The following ESYT1 variants were observed in gnomAD, a reference collection of about 807,000 sequenced individuals.
The protein encoded by ESYT1 is extended synaptotagmin-1.
In ESYT1, 116 loss-of-function variants were observed where a neutral mutation model predicts 154.2. The observed-to-expected ratio is 0.75, with a 90% CI of 0.65 to 0.88. The LOEUF (loss-of-function observed/expected upper bound fraction) is 0.88, where lower values mean the gene tolerates loss of function less well. Ranked by LOEUF, ESYT1 falls within the 40% of genes least tolerant of loss-of-function variation. ESYT1 has a pLI of 0.00. For missense variants in ESYT1, 1,264 were observed against 1,379.3 expected (o/e 0.92, Z 1.32); for synonymous variants, 500 against 539.9 (o/e 0.93, Z 1.02).
Position 56,143,972 on chromosome 12 carries a change from C to T in ESYT1, c.*110C>T, listed in dbSNP as rs1033572462. On this transcript the variant is annotated 3_prime_UTR_variant, in exon 31 of 31. Coordinates refer to ENST00000394048, the MANE Select transcript of ESYT1 (RefSeq NM_015292.3). ...AGGGTCCAAGGGCAGAGCCTGTGCC[C>T]TTCAGCCCTTTCACCTAACAGGCCC... 1 of 1,588,138 alleles carries T rather than the reference C, an allele frequency of 6.3e-7. No individual in the cohort carries two copies. Among genetic ancestry groups the T allele is most frequent in the East Asian group, 2.2e-5 (1 of 44,568 alleles).
chr12:56,128,580 C>G lies in ESYT1; in HGVS notation c.261C>G (p.Leu87=), dbSNP rs778458384. ...GTTTCGTGCTCTTCGGCCTCGCCCT[C>G]TACCTGGGCTGGCGCCGGGTCCGCG... ...SVGFVLFGLA[L]YLGWRRVRDE... The change falls in exon 1 of 31, where the codon CTC becomes CTG. Residue 87 remains leucine, a synonymous_variant. Transcript: ENST00000394048. The G allele has an allele frequency of 1.2e-6, 2 of 1,614,064 alleles. No individual in the cohort carries two copies. The highest frequency in any genetic ancestry group is 4.5e-5 in the East Asian group (2 of 44,880).
At position 56,130,889 on chromosome 12, in the gene ESYT1, A is replaced by G. The variant is rs768540425; in HGVS notation, c.531A>G (p.Gln177=). 6.8e-6 allele frequency: 11 copies of G among 1,614,248 alleles called. No individual in the cohort carries two copies. Among genetic ancestry groups the G allele is most frequent in the Non-Finnish European group, 9.3e-6 (11 of 1,180,048 alleles). ...TTAGGGGATCTAACCCCCATCTGCA[A>G]ACATTTACATTTACACGAGTGGAAC... ...PAVRGSNPHL[Q]TFTFTRVELG... The change falls in exon 3 of 31, where the codon CAA becomes CAG. Residue 177 remains glutamine, a synonymous_variant. Transcript: ENST00000394048.
intron 1 of ESYT1, among the ~76,000 whole-genome samples, chr12:56,129,058 T>A (rs1870121962): frequency 6.6e-6 from 1 of 152,204 alleles, no homozygotes; most frequent in Non-Finnish European, 1.5e-5. Context: ...TTGGTGCCAC[T>A]CGCGGCTTTG....
In ESYT1 at chr12:56,131,496, T is replaced by A; in HGVS notation, c.734T>A (p.Val245Glu). The A allele has an allele frequency of 6.2e-7, 1 of 1,614,090 alleles. No individual in the cohort carries two copies. The highest frequency in any genetic ancestry group is 2.2e-5 in the East Asian group (1 of 44,876). The change falls in exon 6 of 31, where the codon GTG (valine) becomes GAG (glutamate). Residue 245 changes from valine (V) to glutamate (E), a missense_variant. By Grantham distance (121) the Val-to-Glu change is moderately radical. Coordinates refer to ENST00000394048, the MANE Select transcript of ESYT1 (RefSeq NM_015292.3). ...CCTCAGCTACATGGCGTTTTGCGGGTGATACTGGAGCCACTCATTGGGGAC... is the reference window on the plus strand; with the variant it reads ...CCTCAGCTACATGGCGTTTTGCGGGAGATACTGGAGCCACTCATTGGGGAC... Reference protein sequence around the residue: ...KGMQLHGVLRVILEPLIGDLP... With the variant: ...KGMQLHGVLREILEPLIGDLP...
intron 21 of ESYT1, 51 bp downstream of exon 21, chr12:56,138,323 G>A: frequency 6.2e-7 from 1 of 1,612,716 alleles, no homozygotes; most frequent in East Asian, 2.2e-5. Flanking sequence ...GGCAGGATGA[G>A]CTCTTCTCTT....
chr12:56,131,010 G>A, intron 3 of ESYT1, 30 bp from the exon 4 acceptor site: 4 of 1,614,132 alleles, frequency 2.5e-6, no homozygotes, highest in Non-Finnish European at 2.5e-6. Context: ...CCCTATCCCT[G>A]CCCTCTCTCA....
chr12:56,131,925 C>A, intron 7 of ESYT1, 121 bp downstream of exon 7: 1 of 1,117,472 alleles, frequency 8.9e-7, no homozygotes, highest in Non-Finnish European at 1.3e-6. Context: ...ATTTGGGGAG[C>A]AAAGACAAAT....
Position 56,136,830 on chromosome 12 carries a change from C to T in ESYT1, c.1719C>T (p.Asp573=). 1 of 1,610,598 alleles carries T rather than the reference C, an allele frequency of 6.2e-7. No homozygotes were observed. The highest frequency in any genetic ancestry group is 8.5e-7 in the Non-Finnish European group (1 of 1,178,082). Residue 573 remains aspartate, a synonymous_variant, in exon 16 of 31, where the codon GAC becomes GAT. Coordinates refer to ENST00000394048, the MANE Select transcript of ESYT1 (RefSeq NM_015292.3). ...RLLTAPELIL[D]QWFQLSSSGP... Reference sequence around the variant, plus strand: ...TGACTGCCCCAGAACTCATCCTGGACCAGTGGTTCCAGCTCAGCAGCTCTG... The same window carrying T: ...TGACTGCCCCAGAACTCATCCTGGATCAGTGGTTCCAGCTCAGCAGCTCTG...
chr12:56,140,672 T>G (rs1345262193), intron 24 of ESYT1, among the ~76,000 whole-genome samples: 1 of 152,092 alleles, frequency 6.6e-6, no homozygotes, highest in Non-Finnish European at 1.5e-5. Context: ...CAGGGAAGCC[T>G]TTAATGAGAG....
chr12:56,144,050 C>G lies in ESYT1; in HGVS notation c.*188C>G. 6.9e-7 allele frequency: 1 copy of G among 1,449,448 alleles called. No individual in the cohort carries two copies. The highest frequency in any genetic ancestry group is 1.4e-5 in the African/African-American group (1 of 70,250). The allele number at this position is 1,449,448 out of a possible 1,614,324, so 89.8% of individuals were successfully genotyped here. On this transcript the variant is annotated 3_prime_UTR_variant, in exon 31 of 31. Transcript: ENST00000394048. ...GAAGAACCGTATGTTCCCTTTACTG[C>G]ACGGCCTTTATCCTTCTGGGCCCCT...
Position 56,142,228 on chromosome 12 carries a change from G to C in ESYT1, c.2593-57G>C, listed in dbSNP as rs1870728302. ...AAGCGTTTGGACCTTTAAAACACCAGGATTAACTCATTTGTTGATGCATTC... is the reference window on the plus strand; with the variant it reads ...AAGCGTTTGGACCTTTAAAACACCACGATTAACTCATTTGTTGATGCATTC... On this transcript the variant is annotated intron_variant, in intron 24 of 30. Transcript: ENST00000394048. The surrounding 1 kb of genome is among the most constrained non-coding windows in gnomAD (Gnocchi z 4.1). 6.3e-7 allele frequency: 1 copy of C among 1,597,850 alleles called. No homozygotes were observed. Among genetic ancestry groups the C allele is most frequent in the Non-Finnish European group, 8.5e-7 (1 of 1,169,842 alleles).
At chr12:56,137,997 G>A in intron 19 of ESYT1, 29 bp from the exon 20 acceptor site, 1 of 1,614,056 alleles carries the variant, frequency 6.2e-7, no homozygotes, top group South Asian at 1.1e-5. Context: ...TCACCATCTA[G>A]CTTTTGTCTT....
At chr12:56,134,779 A>C (rs1382675857) in intron 15 of ESYT1, among the ~76,000 whole-genome samples, 1 of 151,568 alleles carries the variant, frequency 6.6e-6, no homozygotes, top group Admixed American at 6.6e-5. Context: ...TTGTATTTTT[A>C]GTAGAGACAG....
In ESYT1 at chr12:56,142,653, G is replaced by A. The variant is rs1870750071; in HGVS notation, c.2809G>A (p.Glu937Lys). Residue 937 changes from glutamate to lysine, a missense_variant, in exon 26 of 31, where the codon GAA (glutamate) becomes AAA (lysine). Transcript: ENST00000394048. This position sits in a 1 kb window ranked among gnomAD's most constrained non-coding sequence, Gnocchi z 4.1. ...YSHSSSSLSE[E>K]PELSGGPPHI... ...CCACAGCTCCTCATCGCTGAGTGAA[G>A]AACCAGAGCTCTCGGGGGGACCCCC... 6.2e-7 allele frequency: 1 copy of A among 1,614,130 alleles called. No homozygotes were observed. Among genetic ancestry groups the A allele is most frequent in the Non-Finnish European group, 8.5e-7 (1 of 1,180,038 alleles).
rs765789148 is a variant in ESYT1, at chr12:56,138,951, G to A, written c.2530G>A (p.Val844Ile). 84 of 1,614,008 alleles carry A rather than the reference G, an allele frequency of 5.2e-5. No homozygotes were observed. The highest frequency in any genetic ancestry group is 6.9e-5 in the Non-Finnish European group (81 of 1,180,000). ...GACTATTTCGCAAACTTCAGCCCCT[G>A]TCTGGGATGAGAGTGCCTCCTTTCT... ...TKTISQTSAP[V>I]WDESASFLIR... is the part of the protein sequence containing the mutation. Residue 844 changes from valine to isoleucine, a missense_variant, in exon 24 of 31, where the codon GTC (valine) becomes ATC (isoleucine). By Grantham distance (29) the Val-to-Ile change is conservative. Transcript: ENST00000394048.
chr12:56,132,106 T>G, intron 7 of ESYT1, 103 bp from the exon 8 acceptor site: 1 of 1,564,444 alleles, frequency 6.4e-7, no homozygotes, highest in Admixed American at 1.7e-5. Flanking sequence ...CAAAAGGACT[T>G]TCTTACAGCT....
At chr12:56,138,128 C>T (rs761551471) in intron 20 of ESYT1, 54 bp downstream of exon 20, 55 of 1,613,390 alleles carry the variant, frequency 3.4e-5, no homozygotes, top group Admixed American at 5.0e-5. Flanking sequence ...AAGCTTCATT[C>T]TCAAAGTTCT....
chr12:56,144,582 AACTC>A lies in ESYT1; in HGVS notation c.*724_*727del. Reference sequence around the variant, plus strand: ...TTTTTGCCCAAGTGCCTAGGCTGCTAACTCACTGACTAGAACTTAATCTGGTACT... The same window carrying A: ...TTTTTGCCCAAGTGCCTAGGCTGCTAACTGACTAGAACTTAATCTGGTACT... On this transcript the variant is annotated 3_prime_UTR_variant, in exon 31 of 31. Coordinates refer to ENST00000394048, the MANE Select transcript of ESYT1 (RefSeq NM_015292.3). The A allele has an allele frequency of 1.0e-6, 1 of 985,490 alleles. No individual in the cohort carries two copies. Among genetic ancestry groups the A allele is most frequent in the Non-Finnish European group, 1.2e-6 (1 of 829,988 alleles). The allele number at this position is 985,490 out of a possible 1,614,324, so 61.0% of individuals were successfully genotyped here. A position where few individuals can be genotyped will look rare whatever the true frequency, so the allele number is the denominator to read the frequency against.
intron 12 of ESYT1, 24 bp from the exon 13 acceptor site, chr12:56,133,757 C>G (rs1479429843): frequency 6.2e-7 from 1 of 1,613,214 alleles, no homozygotes; most frequent in Non-Finnish European, 8.5e-7. Context: ...GGACCAAGAT[C>G]TGACTACTAC....
Sources: allele counts gnomAD v4.1 joint callset (sites outside exome capture counted in the v4.1 genomes callset), GRCh38; gene constraint gnomAD v4.1.1; non-coding constraint Gnocchi (gnomAD v3.1); transcripts MANE v1.5; gene names NCBI Gene and HGNC (gene_info 2026-07-23, HGNC 2026-07-21).